SUPT3H: variants seen among roughly 807,000 people sequenced by gnomAD.
The protein encoded by SUPT3H is SPT3 homolog, SAGA and STAGA complex component, also known as transcription initiation protein SPT3 homolog.
SUPT3H carries 44 observed loss-of-function variants against 44.3 expected under a neutral mutation model. The observed-to-expected ratio is 0.99, with a 90% CI of 0.78 to 1.28. The LOEUF (loss-of-function observed/expected upper bound fraction) is 1.28. Ranked by LOEUF, SUPT3H falls within the 50% of genes most tolerant of loss-of-function variation. The pLI is 0.00. For missense variants in SUPT3H, 380 were observed against 387.1 expected (o/e 0.98, Z 0.15); for synonymous variants, 124 against 125.6 (o/e 0.99, Z 0.09).
intron 2 of SUPT3H, chr6:45,361,514 A>C (rs891429773): frequency 6.6e-6 from 1 of 152,194 alleles, no homozygotes; most frequent in African/African-American, 2.4e-5. Flanking sequence ...TAAAATTCTT[A>C]AGAAGTTTGT....
At position 45,249,078 on chromosome 6, in the gene SUPT3H, C is replaced by T. The variant is rs75874534; in HGVS notation, c.101+116123G>A. 9.1e-3 allele frequency among the ~76,000 whole-genome samples: 1,390 copies of T among 152,174 alleles called. 11 individuals are homozygous for T. The highest frequency in any genetic ancestry group is 0.016 in the Non-Finnish European group (1,063 of 68,006). ...TTACCACTTAGAAACCACGTGATAT[C>T]GTTTCTAAACTTTTTTAGCAACAAA... On this transcript the variant is annotated intron_variant, in intron 2 of 10. Coordinates refer to ENST00000371459, the MANE Select transcript of SUPT3H (RefSeq NM_003599.4).
At chr6:44,943,087 G>A (rs925247585) in intron 9 of SUPT3H, among the ~76,000 whole-genome samples, 11 of 151,816 alleles carry the variant, frequency 7.2e-5, no homozygotes, top group Non-Finnish European at 1.6e-4. Context: ...TTGCAATCAA[G>A]AATTTTAAAA....
rs534722354 is a variant in SUPT3H at position 45,022,818 on chromosome 6, C to G, written c.187-2186G>C. Among the ~76,000 whole-genome samples, 15 of 152,152 alleles carry G rather than the reference C, an allele frequency of 9.9e-5. No individual in the cohort carries two copies. The South Asian group carries it at 3.1e-3, about 32-fold the overall frequency. Reference sequence around the variant, plus strand: ...CATCTACTACCCCCATACCAAAATACTCAAGTCCTGCACTTAGCCCTATGG... The same window carrying G: ...CATCTACTACCCCCATACCAAAATAGTCAAGTCCTGCACTTAGCCCTATGG... On this transcript the variant is annotated intron_variant, in intron 3 of 10. Coordinates refer to ENST00000371459, the MANE Select transcript of SUPT3H (RefSeq NM_003599.4).
At chr6:44,834,332 G>C (rs1312189166) in intron 10 of SUPT3H, among the ~76,000 whole-genome samples, 1 of 152,132 alleles carries the variant, frequency 6.6e-6, no homozygotes, top group Admixed American at 6.5e-5. Flanking sequence ...GGCAGAAATT[G>C]AAGTTTTCAG....
chr6:45,289,448 G>A (rs1779941063), intron 2 of SUPT3H, among the ~76,000 whole-genome samples: 1 of 152,062 alleles, frequency 6.6e-6, no homozygotes, highest in Non-Finnish European at 1.5e-5. Flanking sequence ...AAAATATTGA[G>A]GAAGTGGAAA....
At chr6:44,888,208 C>A (rs181194882) in intron 10 of SUPT3H, among the ~76,000 whole-genome samples, 1 of 152,200 alleles carries the variant, frequency 6.6e-6, no homozygotes, top group African/African-American at 2.4e-5. Flanking sequence ...TGGTACCATT[C>A]CTTCTGAAAC....
intron 10 of SUPT3H, among the ~76,000 whole-genome samples, chr6:44,890,032 A>C (rs1763027636): frequency 1.3e-5 from 2 of 151,650 alleles, no homozygotes; most frequent in African/African-American, 4.8e-5. Flanking sequence ...TGGCCATCAG[A>C]GAAATGCAAA....
rs1767929671 is a variant in SUPT3H, at chr6:44,827,798, T to C, written c.*2018A>G. On this transcript the variant is annotated 3_prime_UTR_variant, in exon 11 of 11. Transcript: ENST00000371459. Reference sequence around the variant, plus strand: ...GGTTCAGGACAGACATAAATGACCTTGCTTTATTCTAAATTCAGCTTACTG... The same window carrying C: ...GGTTCAGGACAGACATAAATGACCTCGCTTTATTCTAAATTCAGCTTACTG... Among the ~76,000 whole-genome samples the C allele has an allele frequency of 6.6e-6, 1 of 152,110 alleles. No individual in the cohort carries two copies. Among genetic ancestry groups the C allele is most frequent in the South Asian group, 2.1e-4 (1 of 4,834 alleles).
At chr6:45,253,555 C>T (rs910770348) in intron 2 of SUPT3H, among the ~76,000 whole-genome samples, 8 of 151,954 alleles carry the variant, frequency 5.3e-5, no homozygotes, top group African/African-American at 1.9e-4. Context: ...CTTTGGGAGG[C>T]TGAAGTGGGA....
intron 10 of SUPT3H, among the ~76,000 whole-genome samples, chr6:44,911,598 G>T (rs1442875368): frequency 6.6e-6 from 1 of 151,820 alleles, no homozygotes. Flanking sequence ...ATAATTTTTT[G>T]AAAATTTAAT....
chr6:44,922,715 T>C (rs894703471), intron 10 of SUPT3H, among the ~76,000 whole-genome samples: 2 of 152,152 alleles, frequency 1.3e-5, no homozygotes, highest in Non-Finnish European at 2.9e-5. Context: ...GAAAATAATA[T>C]TTTTGCTAGG....
intron 2 of SUPT3H, among the ~76,000 whole-genome samples, chr6:45,242,726 G>A (rs1770598865): frequency 1.3e-5 from 2 of 152,094 alleles, no homozygotes; most frequent in Admixed American, 6.6e-5. Flanking sequence ...CATTCTTGAA[G>A]GAAGATAACA....
At chr6:45,002,364 C>T (rs1432460499) in intron 6 of SUPT3H, among the ~76,000 whole-genome samples, 1 of 151,844 alleles carries the variant, frequency 6.6e-6, no homozygotes, top group Non-Finnish European at 1.5e-5. Context: ...TTTGGCTAGC[C>T]AAGATCTTCC....
intron 3 of SUPT3H, among the ~76,000 whole-genome samples, chr6:45,066,307 T>A (rs535073132): frequency 2.0e-5 from 3 of 151,172 alleles, no homozygotes; most frequent in African/African-American, 7.3e-5. Context: ...TGATGGGACG[T>A]ATTTCAAAAT....
At chr6:45,148,928 G>T (rs762994573) in intron 2 of SUPT3H, among the ~76,000 whole-genome samples, 1 of 152,094 alleles carries the variant, frequency 6.6e-6, no homozygotes, top group Non-Finnish European at 1.5e-5. Flanking sequence ...CTAAGTAGTG[G>T]AGTTATATTC....
At chr6:44,853,748 G>C (rs777067230) in intron 10 of SUPT3H, among the ~76,000 whole-genome samples, 3 of 152,028 alleles carry the variant, frequency 2.0e-5, no homozygotes, top group Non-Finnish European at 4.4e-5. Flanking sequence ...CTGGTGGGGG[G>C]AGTGGGAGGC....
intron 2 of SUPT3H, among the ~76,000 whole-genome samples, chr6:45,246,578 AT>A (rs1771383391): frequency 6.6e-6 from 1 of 152,194 alleles, no homozygotes; most frequent in Non-Finnish European, 1.5e-5. Flanking sequence ...CATGTAAAAA[AT>A]AGAAAGTAAT....
intron 2 of SUPT3H, among the ~76,000 whole-genome samples, chr6:45,217,147 C>G (rs1765195716): frequency 6.6e-6 from 1 of 151,872 alleles, no homozygotes; most frequent in South Asian, 2.1e-4. Context: ...TGTAAAGAGA[C>G]CTAAATAAAA....
At chr6:45,027,371 A>G (rs1307776489) in intron 3 of SUPT3H, among the ~76,000 whole-genome samples, 1 of 152,066 alleles carries the variant, frequency 6.6e-6, no homozygotes. Flanking sequence ...TCAGCAAAGC[A>G]TATTATCTGA....
Sources: allele counts gnomAD v4.1 joint callset (sites outside exome capture counted in the v4.1 genomes callset), GRCh38; gene constraint gnomAD v4.1.1; transcripts MANE v1.5; gene names NCBI Gene and HGNC (gene_info 2026-07-23, HGNC 2026-07-21).